The following ARHGAP15 variants were observed in gnomAD, a reference collection of about 807,000 sequenced individuals.
The protein encoded by ARHGAP15 is rho GTPase-activating protein 15.
A neutral mutation model predicts 63.7 loss-of-function variants in ARHGAP15; 51 were observed. The ratio of observed to expected loss-of-function variants is 0.80; its 90% confidence interval spans 0.64 to 1.01. The LOEUF (loss-of-function observed/expected upper bound fraction) is 1.01, where lower values mean the gene tolerates loss of function less well. Among genes scored for constraint, ARHGAP15 ranks in the 50% least tolerant of loss-of-function variants. The probability of loss-of-function intolerance (pLI) is 0.00; values close to 1 mark genes in which losing one functional copy is unlikely to be tolerated. For missense variants in ARHGAP15, 560 were observed against 564.6 expected (o/e 0.99, Z 0.08); for synonymous variants, 191 against 193.8 (o/e 0.99, Z 0.12).
chr2:143,598,584 G>A (rs1697622933), intron 11 of ARHGAP15, among the ~76,000 whole-genome samples: 1 of 152,044 alleles, frequency 6.6e-6, no homozygotes, highest in African/African-American at 2.4e-5. Flanking sequence ...TACTATGCCT[G>A]GCCTGATCTA....
At chr2:143,713,413 A>G (rs1684671562) in intron 13 of ARHGAP15, among the ~76,000 whole-genome samples, 1 of 152,166 alleles carries the variant, frequency 6.6e-6, no homozygotes, top group Non-Finnish European at 1.5e-5. Context: ...AAATTCTCAG[A>G]GATACAATTA....
intron 11 of ARHGAP15, among the ~76,000 whole-genome samples, chr2:143,582,669 A>G (rs973480571): frequency 6.6e-6 from 1 of 152,218 alleles, no homozygotes; most frequent in Non-Finnish European, 1.5e-5. Context: ...CAGTAGAACT[A>G]AAAGATGTGG....
In ARHGAP15 at chr2:143,287,002, A is replaced by G. The variant is rs1032581632; in HGVS notation, c.474+36402A>G. Among the ~76,000 whole-genome samples the G allele has an allele frequency of 2.6e-5, 4 of 152,282 alleles. No individual in the cohort carries two copies. In the East Asian group the frequency reaches 5.8e-4, roughly 22 times the overall value. On this transcript the variant is annotated intron_variant, in intron 6 of 13. Coordinates refer to ENST00000295095, the MANE Select transcript of ARHGAP15 (RefSeq NM_018460.4). The stretch of plus-strand genomic sequence containing the variant: ...CATGGCTATATATAGCCAGGTGGGT[A>G]GAGCCCATCTGGACTGTAAATACAT...
At chr2:143,511,570 T>TTGTC (rs1247334206) in intron 9 of ARHGAP15, among the ~76,000 whole-genome samples, 1 of 151,176 alleles carries the variant, frequency 6.6e-6, no homozygotes, top group Admixed American at 6.6e-5. Flanking sequence ...GTGTTCTTTT[T>TTGTC]TGTTTGTTTG....
chr2:143,737,168 G>T (rs1367926786), intron 13 of ARHGAP15, among the ~76,000 whole-genome samples: 1 of 152,194 alleles, frequency 6.6e-6, no homozygotes, highest in Non-Finnish European at 1.5e-5. Context: ...TGTGGGCATT[G>T]GTCAATATGT....
Position 143,261,380 on chromosome 2 carries a change from C to T in ARHGAP15, c.474+10780C>T, listed in dbSNP as rs148043154. 2.4e-3 allele frequency among the ~76,000 whole-genome samples: 297 copies of T among 126,174 alleles called. 2 individuals carry two copies. The highest frequency in any genetic ancestry group is 9.0e-3 in the African/African-American group (287 of 32,018). 82.8% of individuals were successfully genotyped at this position (126,174 alleles called of 152,430 possible). ...ACGGAGTCTCACTCTGTCACCCAGGCTTGAGTGGAGTACAGTGGCACCGTG... is the reference window on the plus strand; with the variant it reads ...ACGGAGTCTCACTCTGTCACCCAGGTTTGAGTGGAGTACAGTGGCACCGTG... On this transcript the variant is annotated intron_variant, in intron 6 of 13. Coordinates refer to ENST00000295095, the MANE Select transcript of ARHGAP15 (RefSeq NM_018460.4).
intron 6 of ARHGAP15, among the ~76,000 whole-genome samples, chr2:143,315,671 T>C (rs764048244): frequency 9.9e-5 from 15 of 152,136 alleles, no homozygotes; most frequent in Non-Finnish European, 2.2e-4. Context: ...ACAGGAACAA[T>C]ACCACCAATA....
intron 5 of ARHGAP15, among the ~76,000 whole-genome samples, chr2:143,242,922 C>T (rs1693916845): frequency 2.0e-5 from 3 of 152,228 alleles, no homozygotes; most frequent in South Asian, 2.1e-4. Context: ...TTTTGTGTTT[C>T]GAGTTTCAAA....
At chr2:143,236,278 G>A (rs369873991) in intron 5 of ARHGAP15, 36 of 228,558 alleles carry the variant, frequency 1.6e-4, no homozygotes, top group African/African-American at 5.2e-4. Flanking sequence ...TGACTAAAGT[G>A]TTAAAAAATA....
intron 5 of ARHGAP15, among the ~76,000 whole-genome samples, chr2:143,235,384 C>T (rs1252528066): frequency 6.6e-6 from 1 of 151,538 alleles, no homozygotes; most frequent in East Asian, 1.9e-4. Context: ...AAAACATGAA[C>T]AATGGCATAA....
chr2:143,660,941 A>G (rs1681735418), intron 12 of ARHGAP15, among the ~76,000 whole-genome samples: 1 of 152,220 alleles, frequency 6.6e-6, no homozygotes, highest in Non-Finnish European at 1.5e-5. Flanking sequence ...CACTGGTCTC[A>G]CTGGGTTAAA....
chr2:143,345,760 A>T (rs1357540980), intron 6 of ARHGAP15, among the ~76,000 whole-genome samples: 2 of 152,154 alleles, frequency 1.3e-5, no homozygotes, highest in Non-Finnish European at 1.5e-5. Context: ...TGCAAGGTGT[A>T]TACTAAGAGA....
chr2:143,332,467 C>A (rs1050687854), intron 6 of ARHGAP15, among the ~76,000 whole-genome samples: 16 of 152,012 alleles, frequency 1.1e-4, no homozygotes, highest in African/African-American at 3.9e-4. Context: ...GGCCTATTCA[C>A]AAATGAAGAG....
chr2:143,163,150 C>G (rs1425231108), intron 2 of ARHGAP15, among the ~76,000 whole-genome samples: 1 of 151,914 alleles, frequency 6.6e-6, no homozygotes, highest in Non-Finnish European at 1.5e-5. Flanking sequence ...ATAAATGGCA[C>G]TTTAAAATCT....
At chr2:143,758,856 C>T (rs1302766936) in intron 13 of ARHGAP15, among the ~76,000 whole-genome samples, 2 of 152,112 alleles carry the variant, frequency 1.3e-5, no homozygotes, top group Non-Finnish European at 2.9e-5. Context: ...CAAGCCTCTC[C>T]CCAGACTTGC....
At chr2:143,333,223 C>T (rs561927420) in intron 6 of ARHGAP15, among the ~76,000 whole-genome samples, 3 of 152,262 alleles carry the variant, frequency 2.0e-5, no homozygotes, top group Admixed American at 6.5e-5. Flanking sequence ...TTCTCCACCT[C>T]TAATATGACT....
At chr2:143,751,960 G>A (rs1420905115) in intron 13 of ARHGAP15, among the ~76,000 whole-genome samples, 1 of 152,168 alleles carries the variant, frequency 6.6e-6, no homozygotes, top group Admixed American at 6.5e-5. Context: ...AGCAACAGTA[G>A]CTTAGAAGAC....
intron 11 of ARHGAP15, among the ~76,000 whole-genome samples, chr2:143,579,315 A>C (rs1475610993): frequency 2.0e-5 from 3 of 152,224 alleles, no homozygotes; most frequent in Non-Finnish European, 2.9e-5. Context: ...TGGAAAACTA[A>C]TTCAAACACA....
At chr2:143,137,949 A>G (rs1689212370) in intron 1 of ARHGAP15, among the ~76,000 whole-genome samples, 1 of 152,128 alleles carries the variant, frequency 6.6e-6, no homozygotes, top group Admixed American at 6.5e-5. Flanking sequence ...AATATCACCT[A>G]TTCATACTTT....
Sources: gnomAD v4.1 joint callset for allele counts (sites outside exome capture counted in the v4.1 genomes callset) on GRCh38, gnomAD v4.1.1 for gene constraint, MANE v1.5 for transcripts, NCBI Gene and HGNC (gene_info 2026-07-23, HGNC 2026-07-21) for gene names.